Variants in PDE4D observed in about 807,000 individuals in gnomAD.
PDE4D encodes the protein 3',5'-cyclic-AMP phosphodiesterase 4D.
A neutral mutation model predicts 87.4 loss-of-function variants in PDE4D; 24 were observed. The observed-to-expected ratio is 0.27, with a 90% CI of 0.20 to 0.39. PDE4D has a LOEUF of 0.39. PDE4D is among the 10% of genes least tolerant of loss of function. The probability of loss-of-function intolerance (pLI) is 1.00; values close to 1 mark genes in which losing one functional copy is unlikely to be tolerated. For synonymous variants in PDE4D, 384 were observed against 383.2 expected, an observed-to-expected ratio of 1.00 and a Z score of -0.02; for missense variants, 714 against 1,041.0, an observed-to-expected ratio of 0.69 and a Z score of 4.32.
At chr5:60,320,302 T>C (rs1756119777) in intron 1 of PDE4D, among the ~76,000 whole-genome samples, 1 of 152,238 alleles carries the variant, frequency 6.6e-6, no homozygotes, top group South Asian at 2.1e-4. Context: ...TATAATCTCC[T>C]GGTGTGCCAT....
At chr5:59,728,652 A>T (rs1447984863) in intron 1 of PDE4D, among the ~76,000 whole-genome samples, 1 of 152,106 alleles carries the variant, frequency 6.6e-6, no homozygotes, top group Non-Finnish European at 1.5e-5. Context: ...ATTATTAATA[A>T]TTTAGAAGGA....
chr5:59,436,791 T>C (rs531304642), intron 1 of PDE4D, among the ~76,000 whole-genome samples: 44 of 152,298 alleles, frequency 2.9e-4, no homozygotes, highest in African/African-American at 1.0e-3. Flanking sequence ...CAAAATATTA[T>C]TTTACTATTA....
chr5:59,193,840 A>T, intron 2 of PDE4D: 1 of 966,256 alleles, frequency 1.0e-6, no homozygotes, highest in Non-Finnish European at 1.2e-6. Context: ...GTGGGGCCTG[A>T]GTTTTACTTT....
intron 3 of PDE4D, among the ~76,000 whole-genome samples, chr5:59,973,779 G>A (rs1271045459): frequency 6.6e-6 from 1 of 152,036 alleles, no homozygotes; most frequent in Non-Finnish European, 1.5e-5. Context: ...GTGTACATAT[G>A]ATATACTCTA....
intron 1 of PDE4D, among the ~76,000 whole-genome samples, chr5:59,681,710 C>G (rs1169327932): frequency 6.6e-6 from 1 of 151,948 alleles, no homozygotes; most frequent in Non-Finnish European, 1.5e-5. Context: ...ACCGTCCTGG[C>G]TAACACGGTG....
chr5:60,108,298 A>C (rs1582696776), intron 2 of PDE4D, among the ~76,000 whole-genome samples: 1 of 151,916 alleles, frequency 6.6e-6, no homozygotes, highest in African/African-American at 2.4e-5. Context: ...AATCCAACTT[A>C]CAAGGGATGT....
intron 5 of PDE4D, 192 bp from the exon 6 acceptor site, chr5:59,039,163 C>T: frequency 7.4e-7 from 1 of 1,353,920 alleles, no homozygotes; most frequent in Non-Finnish European, 9.5e-7. Context: ...GGGCGGCCGG[C>T]CTCGGGGAGG....
chr5:59,573,449 C>T (rs1196830270), intron 1 of PDE4D, among the ~76,000 whole-genome samples: 2 of 152,142 alleles, frequency 1.3e-5, no homozygotes, highest in African/African-American at 4.8e-5. Context: ...ACCCCTCACC[C>T]ACCGAACCAC....
chr5:59,178,997 C>T (rs1740832347), intron 5 of PDE4D, among the ~76,000 whole-genome samples: 1 of 152,160 alleles, frequency 6.6e-6, no homozygotes, highest in African/African-American at 2.4e-5. Context: ...GATCCGGTTC[C>T]ACACCTCCAA....
At chr5:59,667,121 T>C (rs1746203575) in intron 1 of PDE4D, among the ~76,000 whole-genome samples, 1 of 152,188 alleles carries the variant, frequency 6.6e-6, no homozygotes, top group African/African-American at 2.4e-5. Context: ...ATATTATTAA[T>C]GTCTAACTCA....
intron 2 of PDE4D, among the ~76,000 whole-genome samples, chr5:60,176,545 G>C (rs964224519): frequency 5.3e-5 from 8 of 152,064 alleles, no homozygotes; most frequent in African/African-American, 9.7e-5. Context: ...GGTTTGGTGA[G>C]GATGATGATT....
chr5:60,310,307 G>A (rs1375141037), intron 1 of PDE4D, among the ~76,000 whole-genome samples: 2 of 152,158 alleles, frequency 1.3e-5, no homozygotes, highest in Non-Finnish European at 2.9e-5. Flanking sequence ...ATCTCATTTT[G>A]AGAAGAACAA....
Position 59,212,825 on chromosome 5 carries a change from G to A in PDE4D, c.647+2952C>T, listed in dbSNP as rs192931684. Among the ~76,000 whole-genome samples the A allele has an allele frequency of 2.8e-3, 422 of 151,746 alleles. 1 individual carries two copies. Among genetic ancestry groups the A allele is most frequent in the African/African-American group, 9.8e-3 (407 of 41,402 alleles). On this transcript the variant is annotated intron_variant, in intron 2 of 14. Transcript: ENST00000340635. ...TAGATGACTTTCAATTCTGTCATTC[G>A]CCTATTTAACATTGTTTATTGTTAT...
intron 1 of PDE4D, among the ~76,000 whole-genome samples, chr5:60,271,250 T>C (rs1404649201): frequency 6.6e-6 from 1 of 152,202 alleles, no homozygotes; most frequent in Non-Finnish European, 1.5e-5. Context: ...TTACATTTTA[T>C]CTAACTGTTT....
Position 60,279,495 on chromosome 5 carries a change from T to C in PDE4D, c.-89-93808A>G, listed in dbSNP as rs374942584. ...AAAACCTAAGCTCCCGACATGGCTT[T>C]TGCAGGTATAGATGTGACTGGGTCC... On this transcript the variant is annotated intron_variant, in intron 1 of 16. Transcript: ENST00000502484. Among the ~76,000 whole-genome samples the C allele has an allele frequency of 4.6e-5, 7 of 152,142 alleles. No homozygotes were observed. In the East Asian group the frequency reaches 1.4e-3, roughly 29 times the overall value.
At chr5:60,134,063 G>C (rs948945953) in intron 2 of PDE4D, among the ~76,000 whole-genome samples, 1 of 152,136 alleles carries the variant, frequency 6.6e-6, no homozygotes, top group Non-Finnish European at 1.5e-5. Flanking sequence ...TTAGATATGT[G>C]ATCTGCTGGA....
At chr5:59,427,181 T>C (rs1190025493) in intron 1 of PDE4D, among the ~76,000 whole-genome samples, 4 of 151,970 alleles carry the variant, frequency 2.6e-5, no homozygotes, top group Admixed American at 1.3e-4. Context: ...CAGTGCTACA[T>C]GCAGTTTCTA....
chr5:60,378,250 G>A (rs1357647796), intron 1 of PDE4D, among the ~76,000 whole-genome samples: 5 of 152,138 alleles, frequency 3.3e-5, no homozygotes, highest in African/African-American at 1.2e-4. Context: ...TAGTAAAGGG[G>A]ACACATGTTG....
intron 6 of PDE4D, among the ~76,000 whole-genome samples, chr5:59,035,899 C>T (rs1014042974): frequency 9.2e-5 from 14 of 152,156 alleles, no homozygotes; most frequent in Admixed American, 3.3e-4. Context: ...AATTAAATGC[C>T]ATCTGGAATC....
Sources: allele counts gnomAD v4.1 joint callset (sites outside exome capture counted in the v4.1 genomes callset), GRCh38; gene constraint gnomAD v4.1.1; transcripts MANE v1.5; gene names NCBI Gene and HGNC (gene_info 2026-07-23, HGNC 2026-07-21).